The following PRTFDC1 variants were observed in gnomAD, a reference collection of about 807,000 sequenced individuals.
PRTFDC1 encodes phosphoribosyl transferase domain containing 1.
In PRTFDC1, 38 loss-of-function variants were observed where a neutral mutation model predicts 34.6. The observed-to-expected ratio is 1.10, with a 90% CI of 0.85 to 1.44. The LOEUF (loss-of-function observed/expected upper bound fraction) is 1.44. Ranked by LOEUF, PRTFDC1 falls within the 40% of genes most tolerant of loss-of-function variation. PRTFDC1 has a pLI of 0.00. For missense variants in PRTFDC1, 270 were observed against 283.0 expected, an observed-to-expected ratio of 0.95 and a Z score of 0.33; for synonymous variants, 93 against 98.1, an observed-to-expected ratio of 0.95 and a Z score of 0.31.
intron 6 of PRTFDC1, 111 bp from the exon 7 acceptor site, chr10:24,855,475 G>T: frequency 1.6e-6 from 2 of 1,256,908 alleles, no homozygotes; most frequent in South Asian, 1.3e-5. Context: ...TGCTACTGTG[G>T]CACTATATAG....
chr10:24,937,265 T>C lies in PRTFDC1; in HGVS notation c.258A>G (p.Val86=), dbSNP rs1377416488. 1 of 1,614,066 alleles carries C rather than the reference T, an allele frequency of 6.2e-7. No homozygotes were observed. The highest frequency in any genetic ancestry group is 1.1e-5 in the South Asian group (1 of 91,074). Residue 86 remains valine, a synonymous_variant, in exon 3 of 9, where the codon GTA becomes GTG. Coordinates refer to ENST00000320152, the MANE Select transcript of PRTFDC1 (RefSeq NM_020200.7). ...TTCGGCTGATGTTCTTAAGGTGTTC[T>C]ACGAGATCAGCACAGAATTTGTAAC... ...KGGYKFCADL[V]EHLKNISRNS...
chr10:24,871,967 A>T, intron 4 of PRTFDC1, 31 bp downstream of exon 4: 13 of 1,568,844 alleles, frequency 8.3e-6, no homozygotes, highest in South Asian at 1.1e-5. Flanking sequence ...CCAGACCTCA[A>T]TGCGGTCTGA....
intron 3 of PRTFDC1, among the ~76,000 whole-genome samples, chr10:24,879,893 T>C (rs1393333331): frequency 6.6e-6 from 1 of 152,174 alleles, no homozygotes; most frequent in East Asian, 1.9e-4. Context: ...TAGATTGTTT[T>C]TGTGGAGAAA....
chr10:24,908,568 A>C (rs1848574905), intron 3 of PRTFDC1: 1 of 1,612,702 alleles, frequency 6.2e-7, no homozygotes, highest in African/African-American at 1.3e-5. Context: ...ACTTGGAGGT[A>C]ACCTCTCCAG....
intron 3 of PRTFDC1, among the ~76,000 whole-genome samples, chr10:24,933,320 G>A (rs1848996949): frequency 6.6e-6 from 1 of 151,274 alleles, no homozygotes; most frequent in Non-Finnish European, 1.5e-5. Context: ...AAACCTCACT[G>A]ACTAAAAAAT....
At chr10:24,906,475 C>A (rs950588310) in intron 3 of PRTFDC1, among the ~76,000 whole-genome samples, 2 of 152,092 alleles carry the variant, frequency 1.3e-5, no homozygotes, top group Non-Finnish European at 2.9e-5. Context: ...CACACACCCA[C>A]ACACACACAG....
At chr10:24,945,206 G>C (rs185040774) in intron 1 of PRTFDC1, among the ~76,000 whole-genome samples, 61 of 152,314 alleles carry the variant, frequency 4.0e-4, no homozygotes, top group Middle Eastern at 3.4e-3. Context: ...CCTTCTGGCG[G>C]AGACTTTTTC....
chr10:24,880,801 T>C (rs989380527), intron 3 of PRTFDC1, among the ~76,000 whole-genome samples: 3 of 149,750 alleles, frequency 2.0e-5, no homozygotes, highest in African/African-American at 7.3e-5. Context: ...ATCATTCCAC[T>C]TTACTGTCTT....
chr10:24,864,908 G>GC (rs1430086462), intron 4 of PRTFDC1, among the ~76,000 whole-genome samples: 1 of 152,112 alleles, frequency 6.6e-6, no homozygotes, highest in Non-Finnish European at 1.5e-5. Context: ...TTGAGGCCAG[G>GC]AGTTTGAGAA....
At chr10:24,888,690 A>G (rs1490629401) in intron 3 of PRTFDC1, among the ~76,000 whole-genome samples, 3 of 152,244 alleles carry the variant, frequency 2.0e-5, no homozygotes, top group African/African-American at 7.2e-5. Flanking sequence ...CACATTTTCT[A>G]TACAAATCAC....
chr10:24,857,115 A>G, intron 5 of PRTFDC1, 120 bp from the exon 6 acceptor site: 1 of 850,066 alleles, frequency 1.2e-6, no homozygotes, highest in South Asian at 1.4e-5. Flanking sequence ...TCCAATTTGG[A>G]GCCACAGTAG....
At chr10:24,908,329 G>C in intron 3 of PRTFDC1, 1 of 812,638 alleles carries the variant, frequency 1.2e-6, no homozygotes. Context: ...TTTTTATCCA[G>C]CATGTTTCTT....
chr10:24,890,778 C>A (rs1565267793), intron 3 of PRTFDC1, among the ~76,000 whole-genome samples: 1 of 152,204 alleles, frequency 6.6e-6, no homozygotes, highest in African/African-American at 2.4e-5. Context: ...TTCAGGGTCG[C>A]CTGCCTCTGT....
chr10:24,927,496 G>C (rs1356267502), intron 3 of PRTFDC1, among the ~76,000 whole-genome samples: 1 of 151,732 alleles, frequency 6.6e-6, no homozygotes, highest in Non-Finnish European at 1.5e-5. Context: ...AAATATTTTA[G>C]ACACTAACAT....
intron 3 of PRTFDC1, among the ~76,000 whole-genome samples, chr10:24,888,423 T>C (rs1443773940): frequency 6.6e-6 from 1 of 152,218 alleles, no homozygotes; most frequent in Admixed American, 6.5e-5. Flanking sequence ...TGTAAAGTGC[T>C]TTACCCAATA....
chr10:24,866,990 A>C (rs1470966174), intron 4 of PRTFDC1, among the ~76,000 whole-genome samples: 1 of 152,010 alleles, frequency 6.6e-6, no homozygotes, highest in African/African-American at 2.4e-5. Flanking sequence ...TTTAAAAAAA[A>C]GAAAGGGAGA....
chr10:24,914,902 T>C (rs988419676), intron 3 of PRTFDC1, among the ~76,000 whole-genome samples: 20 of 152,164 alleles, frequency 1.3e-4, no homozygotes, highest in African/African-American at 4.8e-4. Flanking sequence ...GATACAGTTC[T>C]AGGGGCCTTC....
intron 3 of PRTFDC1, among the ~76,000 whole-genome samples, chr10:24,877,480 T>A (rs1182992194): frequency 6.6e-6 from 1 of 152,236 alleles, no homozygotes; most frequent in African/African-American, 2.4e-5. Context: ...TTGTTTTATT[T>A]TCTTTTGCTA....
chr10:24,949,641 T>G (rs549851829), intron 1 of PRTFDC1, among the ~76,000 whole-genome samples: 68 of 152,322 alleles, frequency 4.5e-4, no homozygotes, highest in African/African-American at 1.6e-3. Flanking sequence ...ATGTGGATTA[T>G]TTCCCACCTT....
Sources: gnomAD v4.1 joint callset for allele counts (sites outside exome capture counted in the v4.1 genomes callset) on GRCh38, gnomAD v4.1.1 for gene constraint, MANE v1.5 for transcripts, NCBI Gene and HGNC (gene_info 2026-07-23, HGNC 2026-07-21) for gene names.